Variants in NFATC1 observed in about 807,000 individuals in gnomAD.
NFATC1 encodes nuclear factor of activated T cells 1.
Under a neutral mutation model 76.0 loss-of-function variants are expected in NFATC1, and 22 were observed. The observed-to-expected ratio is 0.29, with a 90% CI of 0.21 to 0.41. The LOEUF (loss-of-function observed/expected upper bound fraction) is 0.41, where lower values mean the gene tolerates loss of function less well. Among genes scored for constraint, NFATC1 ranks in the 10% least tolerant of loss-of-function variants. The pLI is 1.00. For synonymous variants in NFATC1, 704 were observed against 613.1 expected, an observed-to-expected ratio of 1.15 and a Z score of -2.19; for missense variants, 1,357 against 1,337.7, an observed-to-expected ratio of 1.01 and a Z score of -0.23.
In NFATC1 at chr18:79,408,799, C is replaced by T. The variant is rs190549154; in HGVS notation, c.128-1604C>T. Among the ~76,000 whole-genome samples the T allele has an allele frequency of 2.9e-3, 434 of 152,222 alleles. 1 individual carries two copies. Among genetic ancestry groups the T allele is most frequent in the Non-Finnish European group, 5.1e-3 (346 of 67,998 alleles). On this transcript the variant is annotated intron_variant, in intron 1 of 9. Coordinates refer to ENST00000427363, the MANE Select transcript of NFATC1 (RefSeq NM_001278669.2). ...CATGCATCATCATCTGTCCATTATT[C>T]CTCCATTCCCTATCCATTCATTCAT...
chr18:79,478,024 A>G (rs2145005345), intron 8 of NFATC1, among the ~76,000 whole-genome samples: 1 of 152,202 alleles, frequency 6.6e-6, no homozygotes, highest in South Asian at 2.1e-4. Context: ...GAGTCCGTCC[A>G]TAGCAGTGAC....
At chr18:79,497,878 G>A (rs2089929314) in intron 9 of NFATC1, 1 of 152,078 alleles carries the variant, frequency 6.6e-6, no homozygotes, top group Non-Finnish European at 1.5e-5. Context: ...TAACCAGAGG[G>A]TGATCCCTAG....
chr18:79,478,020 G>A (rs558955918), intron 8 of NFATC1, among the ~76,000 whole-genome samples: 88 of 152,204 alleles, frequency 5.8e-4, no homozygotes, highest in Admixed American at 2.7e-3. Flanking sequence ...ACACGAGTCC[G>A]TCCATAGCAG....
At chr18:79,435,600 G>A (rs981737053) in intron 3 of NFATC1, among the ~76,000 whole-genome samples, 11 of 152,266 alleles carry the variant, frequency 7.2e-5, no homozygotes, top group Admixed American at 2.6e-4. Context: ...CTCTCCCTGC[G>A]TCTTCTGGAA....
At chr18:79,456,115 C>T (rs566368641) in intron 6 of NFATC1, among the ~76,000 whole-genome samples, 3 of 152,370 alleles carry the variant, frequency 2.0e-5, no homozygotes, top group South Asian at 2.1e-4. Flanking sequence ...GGAGGCTCCA[C>T]CCAGCAGCCA....
intron 3 of NFATC1, among the ~76,000 whole-genome samples, chr18:79,443,014 A>G (rs1203322219): frequency 6.6e-6 from 1 of 152,156 alleles, no homozygotes; most frequent in Non-Finnish European, 1.5e-5. Flanking sequence ...AAAAATCCCA[A>G]GAGACTTATG....
At chr18:79,477,288 C>G (rs2089112681) in intron 8 of NFATC1, among the ~76,000 whole-genome samples, 1 of 152,242 alleles carries the variant, frequency 6.6e-6, no homozygotes, top group Non-Finnish European at 1.5e-5. Context: ...AGACTTTGAA[C>G]AAAACCTCTT....
chr18:79,490,632 G>T (rs993157463), intron 9 of NFATC1, among the ~76,000 whole-genome samples: 1 of 152,190 alleles, frequency 6.6e-6, no homozygotes, highest in Non-Finnish European at 1.5e-5. Flanking sequence ...TTGCTCTGTC[G>T]GAGCCGAGTG....
At chr18:79,472,529 A>G (rs73969673) in intron 8 of NFATC1, among the ~76,000 whole-genome samples, 1,802 of 152,294 alleles carry the variant, frequency 0.012, 36 homozygotes, top group African/African-American at 0.037. Flanking sequence ...TGAAACAGTG[A>G]AGTTCTTGAG....
At chr18:79,406,561 G>A (rs544961650) in intron 1 of NFATC1, among the ~76,000 whole-genome samples, 6 of 152,244 alleles carry the variant, frequency 3.9e-5, no homozygotes, top group Non-Finnish European at 4.4e-5. Flanking sequence ...TCCAACAGGC[G>A]AGAGGGCTTC....
chr18:79,412,591 T>C (rs1422856215), intron 2 of NFATC1, among the ~76,000 whole-genome samples: 2 of 152,224 alleles, frequency 1.3e-5, no homozygotes, highest in African/African-American at 4.8e-5. Flanking sequence ...GACCCGTCTC[T>C]GCTCTGCAGT....
At chr18:79,439,091 G>T (rs536332581) in intron 3 of NFATC1, among the ~76,000 whole-genome samples, 6 of 152,216 alleles carry the variant, frequency 3.9e-5, no homozygotes, top group Non-Finnish European at 7.4e-5. Context: ...TGAGGAGCAG[G>T]TTCCTGAGAG....
In NFATC1 at chr18:79,486,226, A is replaced by ATT; in HGVS notation, c.2093-13_2093-12dup. ...CTCATTCGCAACTTGTGTTTATTTA[A>ATT]TTTTTTTTTTCCTTCTCACAGTTCC... is the stretch of plus-strand genomic sequence containing the variant. On this transcript the variant is annotated intron_variant, in intron 8 of 9. Transcript: ENST00000427363. The ATT allele has an allele frequency of 4.6e-6, 7 of 1,517,108 alleles. No individual in the cohort carries two copies. In the African/African-American group the frequency reaches 5.6e-5, roughly 12 times the overall value. 94.0% of individuals were successfully genotyped at this position (1,517,108 alleles called of 1,614,324 possible).
At chr18:79,407,882 C>T (rs2085497388) in intron 1 of NFATC1, among the ~76,000 whole-genome samples, 1 of 152,222 alleles carries the variant, frequency 6.6e-6, no homozygotes. Flanking sequence ...GGCGCTCAGC[C>T]TCAGCGGAGG....
intron 3 of NFATC1, among the ~76,000 whole-genome samples, chr18:79,439,062 C>T (rs1308543395): frequency 1.3e-5 from 2 of 152,136 alleles, no homozygotes; most frequent in South Asian, 2.1e-4. Context: ...GGCAGGGGCT[C>T]GGGGAGTGTT....
Position 79,400,348 on chromosome 18 carries a change from C to T in NFATC1, c.127+3997C>T, listed in dbSNP as rs1238721658. On this transcript the variant is annotated intron_variant, in intron 1 of 9. Coordinates refer to ENST00000427363, the MANE Select transcript of NFATC1 (RefSeq NM_001278669.2). ...AGCGCCGGGAGAACCGAACCCCTGG[C>T]GGCCGCGACCCCGGCTCCCGCCCCG... 1.6e-5 allele frequency: 22 copies of T among 1,396,812 alleles called. No homozygotes were observed. In the East Asian group the frequency reaches 2.6e-4, roughly 17 times the overall value. 86.5% of individuals were successfully genotyped at this position (1,396,812 alleles called of 1,614,324 possible).
chr18:79,433,549 G>A (rs780063406), intron 2 of NFATC1, 30 bp from the exon 3 acceptor site: 6 of 1,612,014 alleles, frequency 3.7e-6, no homozygotes, highest in East Asian at 4.5e-5. Context: ...GTGTGGTGCT[G>A]AACGCCTCCT....
At chr18:79,513,071 G>T (rs2090296736) in intron 9 of NFATC1, among the ~76,000 whole-genome samples, 1 of 152,252 alleles carries the variant, frequency 6.6e-6, no homozygotes, top group Non-Finnish European at 1.5e-5. Flanking sequence ...TTTAAAAACG[G>T]TATCACTTTC....
intron 9 of NFATC1, among the ~76,000 whole-genome samples, chr18:79,512,895 T>TG (rs1193142212): frequency 6.6e-6 from 1 of 152,204 alleles, no homozygotes; most frequent in East Asian, 1.9e-4. Context: ...CGTGTGAATG[T>TG]GGGGTGCTGC....
Sources: gnomAD v4.1 joint callset for allele counts (sites outside exome capture counted in the v4.1 genomes callset) on GRCh38, gnomAD v4.1.1 for gene constraint, MANE v1.5 for transcripts, NCBI Gene and HGNC (gene_info 2026-07-23, HGNC 2026-07-21) for gene names.